The following INPP5K variants were observed in gnomAD, a reference collection of about 807,000 sequenced individuals.
The protein encoded by INPP5K is inositol polyphosphate 5-phosphatase K.
A neutral mutation model predicts 53.5 loss-of-function variants in INPP5K; 35 were observed. That is an observed-to-expected ratio of 0.65 (90% CI 0.50 to 0.87). The LOEUF is 0.87. Ranked by LOEUF, INPP5K falls within the 40% of genes least tolerant of loss-of-function variation. The pLI, the probability that INPP5K is intolerant of heterozygous loss-of-function variation, is 0.00. For synonymous variants in INPP5K, 253 were observed against 232.8 expected (o/e 1.09, Z -0.79); for missense variants, 550 against 586.2 (o/e 0.94, Z 0.64).
At position 1,515,888 on chromosome 17, in the gene INPP5K, T is replaced by G. The variant is rs575223092; in HGVS notation, c.44+568A>C. The G allele has an allele frequency of 2.6e-5, 26 of 985,126 alleles. No individual in the cohort carries two copies. In the South Asian group the frequency reaches 1.1e-3, roughly 43 times the overall value. The allele number at this position is 985,126 out of a possible 1,614,324, so 61.0% of individuals were successfully genotyped here. On this transcript the variant is annotated intron_variant, in intron 1 of 11. Transcript: ENST00000421807. The stretch of plus-strand genomic sequence containing the variant: ...CAGAGACTTCTTTTCCCAGACTCAC[T>G]CTAAGAGGATGGAGAGCAAAAGTCC...
At position 1,509,206 on chromosome 17, in the gene INPP5K, G is replaced by C; in HGVS notation, c.526C>G (p.Arg176Gly). The change falls in exon 5 of 12, where the codon CGA becomes GGA. Residue 176 changes from arginine (R) to glycine (G), a missense_variant. Transcript: ENST00000421807. ...TGGTCCAGGATGTTTGGGATGTCTC[G>C]CCCCTCACAATTCTGCATCTCCAGG... ...RILEMQNCEG[R>G]DIPNILDHDL... 6.2e-7 allele frequency: 1 copy of C among 1,613,488 alleles called. No homozygotes were observed. Among genetic ancestry groups the C allele is most frequent in the East Asian group, 2.2e-5 (1 of 44,870 alleles).
intron 7 of INPP5K, among the ~76,000 whole-genome samples, chr17:1,499,099 G>C (rs999146445): frequency 1.3e-5 from 2 of 152,192 alleles, no homozygotes; most frequent in Admixed American, 1.3e-4. Flanking sequence ...GGGAATAACA[G>C]TAGTTACCAT....
rs61735263 is a variant in INPP5K at position 1,498,043 on chromosome 17, G to C, written c.856C>G (p.Pro286Ala). The C allele has an allele frequency of 1.2e-4, 195 of 1,614,132 alleles. No homozygotes were observed. The African/African-American group carries it at 2.3e-3, about 19-fold the overall frequency. The change falls in exon 8 of 12, where the codon CCC becomes GCC. Residue 286 changes from proline (P) to alanine (A), a missense_variant. Pro to Ala is a conservative substitution (Grantham distance 27). Transcript: ENST00000421807. ...KRQPCAGPDT[P>A]IPPASHFSLS... ...GAGAAGTGTGACGCCGGCGGTATGG[G>C]AGTGTCGGGGCCAGCACAGGGCTGC...
At chr17:1,497,835 C>G in intron 8 of INPP5K, 101 bp downstream of exon 8, 1 of 1,101,382 alleles carries the variant, frequency 9.1e-7, no homozygotes, top group Non-Finnish European at 1.3e-6. Context: ...ACAGGTCTCC[C>G]CTGGGGGACT....
Position 1,495,534 on chromosome 17 carries a change from A to C in INPP5K, c.*289T>G. ...CTTGGGCAAGACTAGAAGAGGGGGTAGGAATCCAGAAATGAGACGCAGAAC... is the reference window on the plus strand; with the variant it reads ...CTTGGGCAAGACTAGAAGAGGGGGTCGGAATCCAGAAATGAGACGCAGAAC... On this transcript the variant is annotated 3_prime_UTR_variant, in exon 12 of 12. Transcript: ENST00000421807. 1 of 387,772 alleles carries C rather than the reference A, an allele frequency of 2.6e-6. No homozygotes were observed. The highest frequency in any genetic ancestry group is 4.7e-6 in the Non-Finnish European group (1 of 213,104). The allele number at this position is 387,772 out of a possible 1,614,324, so 24.0% of individuals were successfully genotyped here.
chr17:1,495,970 T>C (rs1280450111), intron 11 of INPP5K, 90 bp downstream of exon 11: 4 of 1,410,460 alleles, frequency 2.8e-6, no homozygotes, highest in African/African-American at 1.4e-5. Flanking sequence ...CGGCCCCTCA[T>C]GTACCGGCTG....
intron 6 of INPP5K, chr17:1,507,629 C>G (rs904231472): frequency 1.3e-5 from 2 of 156,728 alleles, no homozygotes; most frequent in African/African-American, 4.8e-5. Context: ...CAACCTCTGC[C>G]TCCCGGGTTC....
At chr17:1,515,935 A>C in intron 1 of INPP5K, 4 of 987,814 alleles carry the variant, frequency 4.0e-6, no homozygotes, top group Non-Finnish European at 4.8e-6. Context: ...TCCCACTCTC[A>C]AATCCGACGA....
chr17:1,511,133 G>A (rs1379694069), intron 3 of INPP5K, among the ~76,000 whole-genome samples: 1 of 152,182 alleles, frequency 6.6e-6, no homozygotes, highest in Admixed American at 6.5e-5. Flanking sequence ...AGTGGGTAAG[G>A]ACACATGTGC....
At chr17:1,497,710 G>T in intron 8 of INPP5K, 1 of 495,198 alleles carries the variant, frequency 2.0e-6, no homozygotes, top group Non-Finnish European at 3.6e-6. Context: ...ATACCCAAAG[G>T]AAATGGAAAC....
intron 7 of INPP5K, among the ~76,000 whole-genome samples, chr17:1,503,808 GC>G (rs1351752845): frequency 6.6e-6 from 1 of 152,160 alleles, no homozygotes; most frequent in Non-Finnish European, 1.5e-5. Flanking sequence ...TTCCCGCCCT[GC>G]CCTCAGCCCT....
At chr17:1,497,720 C>G in intron 8 of INPP5K, 1 of 510,844 alleles carries the variant, frequency 2.0e-6, no homozygotes, top group South Asian at 3.1e-5. Flanking sequence ...GAAATGGAAA[C>G]CTTTTCACAA....
intron 1 of INPP5K, 41 bp downstream of exon 1, chr17:1,516,415 C>T (rs757204242): frequency 1.5e-5 from 24 of 1,567,790 alleles, no homozygotes; most frequent in East Asian, 2.4e-5. Flanking sequence ...GGGCGCCGAT[C>T]CCCCCGAGCA....
chr17:1,512,185 CTG>C (rs1169143143), intron 3 of INPP5K, among the ~76,000 whole-genome samples: 1 of 152,208 alleles, frequency 6.6e-6, no homozygotes, highest in Non-Finnish European at 1.5e-5. Context: ...GTAGAAAGGG[CTG>C]TGTCTCTGCC....
chr17:1,501,747 G>A (rs1010922503), intron 7 of INPP5K, among the ~76,000 whole-genome samples: 3 of 152,200 alleles, frequency 2.0e-5, no homozygotes, highest in African/African-American at 4.8e-5. Flanking sequence ...GGCTGGGCAC[G>A]GTGGCTCACG....
At chr17:1,501,884 A>C (rs1443069991) in intron 7 of INPP5K, among the ~76,000 whole-genome samples, 1 of 140,592 alleles carries the variant, frequency 7.1e-6, no homozygotes, top group African/African-American at 2.7e-5. Context: ...CACACACACA[A>C]ATTTGCCAGG....
At chr17:1,510,354 T>C (rs1348008829) in intron 3 of INPP5K, 2 of 152,256 alleles carry the variant, frequency 1.3e-5, no homozygotes, top group Non-Finnish European at 2.9e-5. Flanking sequence ...GTAGCTGGGA[T>C]TACAGGCGCC....
intron 10 of INPP5K, 77 bp downstream of exon 10, chr17:1,496,242 C>T: frequency 6.7e-7 from 1 of 1,495,382 alleles, no homozygotes; most frequent in East Asian, 2.4e-5. Context: ...AGTTATTCAG[C>T]ACTCTGTTCC....
At chr17:1,516,077 C>A in intron 1 of INPP5K, 1 of 1,115,744 alleles carries the variant, frequency 9.0e-7, no homozygotes, top group Non-Finnish European at 1.1e-6. Flanking sequence ...TTCGGATTCC[C>A]GGGGTTCACC....
Sources: gnomAD v4.1 joint callset for allele counts (sites outside exome capture counted in the v4.1 genomes callset) on GRCh38, gnomAD v4.1.1 for gene constraint, MANE v1.5 for transcripts, NCBI Gene and HGNC (gene_info 2026-07-23, HGNC 2026-07-21) for gene names.